Variants in EEF1A2 observed in about 807,000 individuals in gnomAD.
The protein encoded by EEF1A2 is elongation factor 1-alpha 2.
Under a neutral mutation model 39.3 loss-of-function variants are expected in EEF1A2, and 5 were observed. The ratio of observed to expected loss-of-function variants is 0.13; its 90% CI spans 0.07 to 0.27. The LOEUF (loss-of-function observed/expected upper bound fraction) is 0.27, where lower values mean the gene tolerates loss of function less well. Among genes scored for constraint, EEF1A2 ranks in the 10% least tolerant of loss-of-function variants. EEF1A2 has a pLI of 1.00. For missense variants in EEF1A2, 218 were observed against 681.4 expected (o/e 0.32, Z 7.57); for synonymous variants, 287 against 293.7 (o/e 0.98, Z 0.23).
intron 5 of EEF1A2, among the ~76,000 whole-genome samples, chr20:63,492,123 T>G: frequency 1.2e-5 from 1 of 85,392 alleles, no homozygotes; most frequent in African/African-American, 3.7e-5. Context: ...GATGGATGGA[T>G]GGATGGGGAA....
At position 63,495,877 on chromosome 20, in the gene EEF1A2, G is replaced by A; in HGVS notation, c.303C>T (p.Asn101=). The A allele has an allele frequency of 6.2e-7, 1 of 1,613,210 alleles. No individual in the cohort carries two copies. Among genetic ancestry groups the A allele is most frequent in the Non-Finnish European group, 8.5e-7 (1 of 1,179,886 alleles). Residue 101 remains asparagine (N), a synonymous_variant, in exon 3 of 8, where the codon AAC becomes AAT. Coordinates refer to ENST00000217182, the MANE Select transcript of EEF1A2 (RefSeq NM_001958.5). ...DAPGHRDFIK[N]MITGTSQADC... is the part of the protein sequence containing the mutation. ...TCACCTGGGATGTACCCGTGATCAT[G>A]TTCTTGATGAAGTCGCGGTGGCCGG...
chr20:63,490,719 G>A lies in EEF1A2; in HGVS notation c.789C>T (p.Pro263=), dbSNP rs148075587. The A allele has an allele frequency of 8.7e-5, 139 of 1,602,784 alleles. 1 individual carries two copies. Among genetic ancestry groups the A allele is most frequent in the Middle Eastern group, 6.8e-4 (4 of 5,920 alleles). The change falls in exon 6 of 8, where the codon CCC becomes CCT. Residue 263 remains proline (P), a synonymous_variant. Transcript: ENST00000217182. ...VYKIGGIGTV[P]VGRVETGILR... is the part of the protein sequence containing the mutation. The stretch of plus-strand genomic sequence containing the variant: ...GGATGCCGGTCTCCACCCGGCCCAC[G>A]GGCACCGTGCCAATGCCTGCAGAGG...
chr20:63,497,996 C>A lies in EEF1A2; in HGVS notation c.-71-162G>T. 1.9e-6 allele frequency: 1 copy of A among 521,776 alleles called. No homozygotes were observed. Among genetic ancestry groups the A allele is most frequent in the Non-Finnish European group, 3.4e-6 (1 of 298,486 alleles). 32.3% of individuals were successfully genotyped at this position (521,776 alleles called of 1,614,324 possible). ...GCCCCCACCCACAGCTGGGCCTGGC[C>A]AGGGCAAGCAGAGGCTGTGCACTGC... On this transcript the variant is annotated intron_variant, in intron 1 of 7. Coordinates refer to ENST00000217182, the MANE Select transcript of EEF1A2 (RefSeq NM_001958.5). This position sits in a 1 kb window ranked among gnomAD's most constrained non-coding sequence, Gnocchi z 7.3.
Position 63,497,801 on chromosome 20 carries a change from G to A in EEF1A2, c.-38C>T. On this transcript the variant is annotated 5_prime_UTR_variant, in exon 2 of 8. Transcript: ENST00000217182. The surrounding 1 kb of genome is among the most constrained non-coding windows in gnomAD (Gnocchi z 7.3). ...GTGAGGGGCTGGCGGGACCCGGGGT[G>A]CTCTGGCTCAGGGCGAGGGGGGCTG... 6.3e-7 allele frequency: 1 copy of A among 1,599,672 alleles called. No homozygotes were observed. Among genetic ancestry groups the A allele is most frequent in the Non-Finnish European group, 8.5e-7 (1 of 1,172,574 alleles).
In EEF1A2 at chr20:63,490,741, G is replaced by A. The variant is rs377166905; in HGVS notation, c.773-6C>T. The A allele has an allele frequency of 1.1e-5, 18 of 1,591,256 alleles. No individual in the cohort carries two copies. The African/African-American group carries it at 2.0e-4, about 18-fold the overall frequency. ...CACGGGCACCGTGCCAATGCCTGCA[G>A]AGGGGAGGGGGTGTGAGGGGAAGGT... On this transcript the variant is annotated splice_polypyrimidine_tract_variant and splice_region_variant and intron_variant, in intron 5 of 7. Transcript: ENST00000217182.
intron 4 of EEF1A2, 64 bp downstream of exon 4, chr20:63,494,741 C>A (rs2082408650): frequency 1.9e-6 from 3 of 1,542,034 alleles, no homozygotes; most frequent in African/African-American, 2.7e-5. Flanking sequence ...CCTGCCGGTG[C>A]CTCGCTCTGG....
At chr20:63,494,711 C>G in intron 4 of EEF1A2, 94 bp downstream of exon 4, 1 of 1,466,922 alleles carries the variant, frequency 6.8e-7, no homozygotes, top group Admixed American at 2.1e-5. Flanking sequence ...CGGGGACAGG[C>G]CCTCGACCTC....
rs1311318770 is a variant in EEF1A2 at position 63,497,707 on chromosome 20, T to G, written c.57A>C (p.Gly19=). ...TGAGGTGGCCCGTGGTGGTGGACTT[T>G]CCGGAGTCCACGTGGCCGATGACCA... The part of the protein sequence containing the change: ...NIVVIGHVDS[G]KSTTTGHLIY... Residue 19 remains glycine (G), a synonymous_variant, in exon 2 of 8, where the codon GGA becomes GGC. Coordinates refer to ENST00000217182, the MANE Select transcript of EEF1A2 (RefSeq NM_001958.5). This position sits in a 1 kb window ranked among gnomAD's most constrained non-coding sequence, Gnocchi z 7.3. 1.2e-6 allele frequency: 2 copies of G among 1,612,962 alleles called. No homozygotes were observed. Among genetic ancestry groups the G allele is most frequent in the Non-Finnish European group, 1.7e-6 (2 of 1,179,846 alleles).
chr20:63,488,128 G>A lies in EEF1A2; in HGVS notation c.*170C>T, dbSNP rs2082360143. On this transcript the variant is annotated 3_prime_UTR_variant, in exon 8 of 8. Coordinates refer to ENST00000217182, the MANE Select transcript of EEF1A2 (RefSeq NM_001958.5). Reference sequence around the variant, plus strand: ...AGAACTTCCACTGGACCTTGATGGCGAGCATCCAGTCGCTGACCGAGGGCC... The same window carrying A: ...AGAACTTCCACTGGACCTTGATGGCAAGCATCCAGTCGCTGACCGAGGGCC... 1 of 235,168 alleles carries A rather than the reference G, an allele frequency of 4.3e-6. No individual in the cohort carries two copies. The highest frequency in any genetic ancestry group is 6.9e-6 in the Non-Finnish European group (1 of 145,732). 14.6% of individuals were successfully genotyped at this position (235,168 alleles called of 1,614,324 possible).
At chr20:63,491,084 T>A (rs2145940420) in intron 5 of EEF1A2, among the ~76,000 whole-genome samples, 1 of 152,298 alleles carries the variant, frequency 6.6e-6, no homozygotes, top group African/African-American at 2.4e-5. Context: ...GAGAGCACTT[T>A]CCCTCAAAGG....
chr20:63,495,739 C>T, intron 3 of EEF1A2, 117 bp downstream of exon 3: 1 of 1,359,308 alleles, frequency 7.4e-7, no homozygotes, highest in East Asian at 2.4e-5. Context: ...TGAGGGGTCC[C>T]CTGCCCTCAC....
At position 63,497,886 on chromosome 20, in the gene EEF1A2, G is replaced by C; in HGVS notation, c.-71-52C>G. 1 of 1,315,974 alleles carries C rather than the reference G, an allele frequency of 7.6e-7. No homozygotes were observed. 81.5% of individuals were successfully genotyped at this position (1,315,974 alleles called of 1,614,324 possible). ...CCGGTGATGGGGAGCCCCAGGGGGAGACACCAGCAGAGACTGTCCTGGCAC... is the reference window on the plus strand; with the variant it reads ...CCGGTGATGGGGAGCCCCAGGGGGACACACCAGCAGAGACTGTCCTGGCAC... On this transcript the variant is annotated intron_variant, in intron 1 of 7. Transcript: ENST00000217182. This position sits in a 1 kb window ranked among gnomAD's most constrained non-coding sequence, Gnocchi z 7.3.
Position 63,488,890 on chromosome 20 carries a change from T to C in EEF1A2, c.1264+28A>G, listed in dbSNP as rs748493672. The C allele has an allele frequency of 2.5e-6, 4 of 1,604,332 alleles. No individual in the cohort carries two copies. The highest frequency in any genetic ancestry group is 3.3e-5 in the Admixed American group (2 of 59,936). ...CCTGGATCAGCCACAGCCTGGGGGC[T>C]GCACCTCCCCGGACCACCCCGGCTC... On this transcript the variant is annotated intron_variant, in intron 7 of 7. Transcript: ENST00000217182.
chr20:63,493,048 G>A (rs1475706206), intron 5 of EEF1A2, 89 bp downstream of exon 5: 4 of 1,462,930 alleles, frequency 2.7e-6, no homozygotes, highest in Non-Finnish European at 3.6e-6. Flanking sequence ...ATTGGAGACA[G>A]CCCAGTCTTG....
rs1398563639 is a variant in EEF1A2 at position 63,490,544 on chromosome 20, G to A, written c.964C>T (p.Arg322Trp). ...VKNVSVKDIR[R>W]GNVCGDSKSD... ...TTGCTGTCCCCACACACGTTGCCCC[G>A]CCGGATGTCCTTCACCGACACGTTC... Residue 322 changes from arginine (R) to tryptophan (W), a missense_variant, in exon 6 of 8, where the codon CGG becomes TGG. Arg to Trp is a moderately radical substitution (Grantham distance 101, BLOSUM62 -3). Coordinates refer to ENST00000217182, the MANE Select transcript of EEF1A2 (RefSeq NM_001958.5). 1.2e-6 allele frequency: 2 copies of A among 1,612,634 alleles called. No individual in the cohort carries two copies. Among genetic ancestry groups the A allele is most frequent in the Non-Finnish European group, 1.7e-6 (2 of 1,179,960 alleles).
intron 5 of EEF1A2, among the ~76,000 whole-genome samples, chr20:63,491,917 GATA>G (rs2082383241): frequency 2.2e-5 from 3 of 135,104 alleles, no homozygotes; most frequent in Non-Finnish European, 4.8e-5. Flanking sequence ...TGGATGGGGG[GATA>G]GATGGATGGA....
chr20:63,497,109 C>T lies in EEF1A2; in HGVS notation c.144+511G>A, dbSNP rs2082421781. The stretch of plus-strand genomic sequence containing the variant: ...CGCTTCAAAAGGTCAGCTAGGAGGT[C>T]ACCTCATCCAGGACCCCCACCCCAG... On this transcript the variant is annotated intron_variant, in intron 2 of 7. Transcript: ENST00000217182. This position sits in a 1 kb window ranked among gnomAD's most constrained non-coding sequence, Gnocchi z 7.3. 1 of 152,750 alleles carries T rather than the reference C, an allele frequency of 6.5e-6. No individual in the cohort carries two copies. The highest frequency in any genetic ancestry group is 2.1e-4 in the South Asian group (1 of 4,868). The allele number at this position is 152,750 out of a possible 1,614,324, so 9.5% of individuals were successfully genotyped here.
At chr20:63,492,551 T>TGGAG (rs2082392986) in intron 5 of EEF1A2, among the ~76,000 whole-genome samples, 2 of 16,068 alleles carry the variant, frequency 1.2e-4, no homozygotes, top group Admixed American at 5.5e-4. Context: ...GATGGATGGA[T>TGGAG]AGAGAGAAGG....
At chr20:63,489,201 C>T (rs753148446) in intron 6 of EEF1A2, 49 bp from the exon 7 acceptor site, 2 of 1,577,164 alleles carry the variant, frequency 1.3e-6, no homozygotes, top group Admixed American at 1.7e-5. Flanking sequence ...CGGTGGGCAC[C>T]GGGAGGGCGC....
Sources: gnomAD v4.1 joint callset for allele counts (sites outside exome capture counted in the v4.1 genomes callset) on GRCh38, gnomAD v4.1.1 for gene constraint, Gnocchi (gnomAD v3.1) non-coding constraint, MANE v1.5 for transcripts, NCBI Gene and HGNC (gene_info 2026-07-23, HGNC 2026-07-21) for gene names.